GABPB1: variants seen among roughly 807,000 people sequenced by gnomAD.
GABPB1 encodes GA binding protein transcription factor subunit beta 1.
A neutral mutation model predicts 45.9 loss-of-function variants in GABPB1; 15 were observed. The ratio of observed to expected loss-of-function variants is 0.33; its 90% CI spans 0.22 to 0.50. GABPB1 has a LOEUF of 0.50. GABPB1 is among the 20% of genes least tolerant of loss of function. GABPB1 has a pLI of 0.98. For missense variants in GABPB1, 252 were observed against 457.5 expected (o/e 0.55, Z 4.10); for synonymous variants, 143 against 154.4 (o/e 0.93, Z 0.55).
chr15:50,285,500 T>C (rs2140975076), intron 8 of GABPB1, among the ~76,000 whole-genome samples: 1 of 152,282 alleles, frequency 6.6e-6, no homozygotes, highest in South Asian at 2.1e-4. Flanking sequence ...GTGAAGCAAC[T>C]ATGGTTTTGT....
At chr15:50,325,549 T>C (rs1426262390) in intron 1 of GABPB1, among the ~76,000 whole-genome samples, 1 of 152,186 alleles carries the variant, frequency 6.6e-6, no homozygotes, top group Non-Finnish European at 1.5e-5. Context: ...TTTTTTTTCT[T>C]GAGATGGAGT....
At chr15:50,338,552 C>A (rs1449917882) in intron 1 of GABPB1, among the ~76,000 whole-genome samples, 1 of 152,176 alleles carries the variant, frequency 6.6e-6, no homozygotes, top group Non-Finnish European at 1.5e-5. Context: ...CAGCTCACTG[C>A]AACCTACACC....
intron 1 of GABPB1, among the ~76,000 whole-genome samples, chr15:50,328,605 T>C (rs1337095029): frequency 6.6e-6 from 1 of 152,216 alleles, no homozygotes; most frequent in Non-Finnish European, 1.5e-5. Flanking sequence ...ATACTAAGAA[T>C]AATAGCTAGG....
At chr15:50,316,746 CAATGATT>C (rs2047344936) in intron 1 of GABPB1, among the ~76,000 whole-genome samples, 2 of 151,922 alleles carry the variant, frequency 1.3e-5, no homozygotes, top group African/African-American at 4.8e-5. Flanking sequence ...CAACCACAAA[CAATGATT>C]AAAGAAATTA....
At chr15:50,292,391 T>A (rs529097296) in intron 6 of GABPB1, among the ~76,000 whole-genome samples, 2 of 149,978 alleles carry the variant, frequency 1.3e-5, no homozygotes, top group South Asian at 4.3e-4. Flanking sequence ...GGATCGGTAG[T>A]GGGTGCTAAA....
chr15:50,352,925 C>A (rs1301643123), intron 1 of GABPB1: 2 of 152,038 alleles, frequency 1.3e-5, no homozygotes, highest in African/African-American at 4.8e-5. Context: ...CCTAGAAAAC[C>A]CAGAATGATT....
intron 1 of GABPB1, among the ~76,000 whole-genome samples, chr15:50,319,637 A>G (rs1302553677): frequency 6.6e-6 from 1 of 152,180 alleles, no homozygotes; most frequent in Non-Finnish European, 1.5e-5. Context: ...GGAGTTCGAG[A>G]CCAGCCTGGC....
chr15:50,280,922 A>G (rs1045445596), intron 8 of GABPB1, among the ~76,000 whole-genome samples: 5 of 152,322 alleles, frequency 3.3e-5, no homozygotes, highest in African/African-American at 1.2e-4. Context: ...TAACATTTAG[A>G]GTCAGGAAAG....
intron 6 of GABPB1, among the ~76,000 whole-genome samples, chr15:50,294,096 A>T (rs1440653533): frequency 6.6e-6 from 1 of 152,226 alleles, no homozygotes; most frequent in African/African-American, 2.4e-5. Flanking sequence ...CTTTGACGAC[A>T]TCTGAGATCT....
At chr15:50,301,413 C>T in intron 4 of GABPB1, 45 bp from the exon 5 acceptor site, 4 of 1,523,278 alleles carry the variant, frequency 2.6e-6, no homozygotes, top group Middle Eastern at 1.7e-4. Flanking sequence ...ATAACCAGAA[C>T]ATATAGCACA....
At chr15:50,334,340 C>T (rs1003981856) in intron 1 of GABPB1, among the ~76,000 whole-genome samples, 24 of 152,040 alleles carry the variant, frequency 1.6e-4, no homozygotes, top group African/African-American at 5.3e-4. Flanking sequence ...CTTACACTGT[C>T]TTCTATATTT....
chr15:50,335,540 G>C (rs2048087520), intron 1 of GABPB1, among the ~76,000 whole-genome samples: 1 of 152,092 alleles, frequency 6.6e-6, no homozygotes. Flanking sequence ...TTTCTTCCCA[G>C]TTCTTCAAAG....
intron 6 of GABPB1, among the ~76,000 whole-genome samples, chr15:50,291,414 G>A (rs2046337301): frequency 6.6e-6 from 1 of 151,536 alleles, no homozygotes. Context: ...CGCCTCCCGA[G>A]TTCAAGCGAT....
intron 1 of GABPB1, chr15:50,351,133 TTCTGATAAAG>T (rs1181584617): frequency 1.3e-5 from 2 of 152,232 alleles, no homozygotes; most frequent in Admixed American, 6.5e-5. Context: ...CTCCAGATGA[TTCTGATAAAG>T]TCTGAGAATG....
chr15:50,317,247 T>G (rs1029570531), intron 1 of GABPB1, among the ~76,000 whole-genome samples: 1 of 151,332 alleles, frequency 6.6e-6, no homozygotes, highest in Non-Finnish European at 1.5e-5. Context: ...AATAAAAAAA[T>G]TAAAAGAATT....
chr15:50,346,040 A>C (rs1288560830), intron 1 of GABPB1, among the ~76,000 whole-genome samples: 1 of 152,184 alleles, frequency 6.6e-6, no homozygotes, highest in Non-Finnish European at 1.5e-5. Flanking sequence ...AAGGTAGGGA[A>C]GAAAAAACAT....
intron 1 of GABPB1, 59 bp from the exon 2 acceptor site, chr15:50,309,857 C>T (rs1354770077): frequency 9.6e-5 from 93 of 966,410 alleles, no homozygotes; most frequent in Non-Finnish European, 5.5e-5. Flanking sequence ...TATGACATGA[C>T]ATTTTCCCTT....
chr15:50,303,644 T>C (rs1367389742), intron 3 of GABPB1, among the ~76,000 whole-genome samples: 1 of 146,930 alleles, frequency 6.8e-6, no homozygotes, highest in African/African-American at 2.5e-5. Context: ...ATCGTGCCAC[T>C]GCACTGCAGC....
Position 50,309,687 on chromosome 15 carries a change from T to G in GABPB1, c.108+4A>C. ...GAACACACAATATTAAAATCATTCT[T>G]TACCCAGTCTGTAGTAAAGGGAGCT... On this transcript the variant is annotated splice_donor_region_variant and intron_variant, in intron 2 of 8. Coordinates refer to ENST00000380877, the MANE Select transcript of GABPB1 (RefSeq NM_016654.5). 1 of 1,512,476 alleles carries G rather than the reference T, an allele frequency of 6.6e-7. No homozygotes were observed. The highest frequency in any genetic ancestry group is 9.2e-7 in the Non-Finnish European group (1 of 1,088,740). 93.7% of individuals were successfully genotyped at this position (1,512,476 alleles called of 1,614,324 possible). A position where few individuals can be genotyped will look rare whatever the true frequency, so the allele number is the denominator to read the frequency against.
Sources: gnomAD v4.1 joint callset for allele counts (sites outside exome capture counted in the v4.1 genomes callset) on GRCh38, gnomAD v4.1.1 for gene constraint, MANE v1.5 for transcripts, NCBI Gene and HGNC (gene_info 2026-07-23, HGNC 2026-07-21) for gene names.